Variants in LAP3 observed in about 807,000 individuals in gnomAD.
The protein encoded by LAP3 is cytosol aminopeptidase.
LAP3 carries 46 observed loss-of-function variants against 58.8 expected under a neutral mutation model. The observed-to-expected ratio is 0.78, with a 90% CI of 0.62 to 1.00. The LOEUF (loss-of-function observed/expected upper bound fraction) is 1.00. LAP3 is among the 50% of genes least tolerant of loss of function. The probability of loss-of-function intolerance (pLI) is 0.00; values close to 1 mark genes in which losing one functional copy is unlikely to be tolerated. For missense variants in LAP3, 615 were observed against 659.1 expected (o/e 0.93, Z 0.73); for synonymous variants, 257 against 237.7 (o/e 1.08, Z -0.75).
At chr4:17,596,138 C>G (rs941901475) in intron 8 of LAP3, among the ~76,000 whole-genome samples, 8 of 152,030 alleles carry the variant, frequency 5.3e-5, no homozygotes, top group African/African-American at 1.7e-4. Flanking sequence ...GACATGCCCC[C>G]CTCCTTCACT....
chr4:17,584,061 A>C (rs1713437846), intron 5 of LAP3, among the ~76,000 whole-genome samples: 1 of 152,242 alleles, frequency 6.6e-6, no homozygotes, highest in Non-Finnish European at 1.5e-5. Context: ...CTTGTGGGCT[A>C]GTGGGGTCCC....
Position 17,582,210 on chromosome 4 carries a change from CT to C in LAP3, c.274-77del, listed in dbSNP as rs1157888387. ...GTAATTGTGTGGGAGCTCAGTGAGTCTCCACATGTAGAATTCCTTGCTGGAA... is the reference window on the plus strand; with the variant it reads ...GTAATTGTGTGGGAGCTCAGTGAGTCCCACATGTAGAATTCCTTGCTGGAA... On this transcript the variant is annotated intron_variant, in intron 3 of 12. Transcript: ENST00000226299. 1.3e-5 allele frequency: 15 copies of C among 1,143,234 alleles called. No individual in the cohort carries two copies. In the African/African-American group the frequency reaches 1.7e-4, roughly 13 times the overall value. The allele number at this position is 1,143,234 out of a possible 1,614,324, so 70.8% of individuals were successfully genotyped here.
At position 17,588,980 on chromosome 4, in the gene LAP3, A is replaced by AT. The variant is rs924916290; in HGVS notation, c.863+9dup. ...GGGAAAGGAATTACCTTTGACAGGT[A>AT]TTTTTTATGGTGTCCGTGCTTTGTA... On this transcript the variant is annotated splice_donor_region_variant and intron_variant, in intron 7 of 12. Coordinates refer to ENST00000226299, the MANE Select transcript of LAP3 (RefSeq NM_015907.3). The AT allele has an allele frequency of 1.2e-6, 2 of 1,612,604 alleles. No homozygotes were observed. The highest frequency in any genetic ancestry group is 1.3e-5 in the African/African-American group (1 of 74,692).
At position 17,577,432 on chromosome 4, in the gene LAP3, G is replaced by A; in HGVS notation, c.-34G>A. 1.3e-6 allele frequency: 2 copies of A among 1,488,128 alleles called. No homozygotes were observed. Among genetic ancestry groups the A allele is most frequent in the Non-Finnish European group, 1.8e-6 (2 of 1,107,460 alleles). The allele number at this position is 1,488,128 out of a possible 1,614,324, so 92.2% of individuals were successfully genotyped here. ...CCCGCCCACCGCTCTCCACGTGCTC[G>A]CTGGAGGGCGGTGCGAGGGGCCGAG... is the stretch of plus-strand genomic sequence containing the variant. On this transcript the variant is annotated 5_prime_UTR_variant, in exon 1 of 13. Coordinates refer to ENST00000226299, the MANE Select transcript of LAP3 (RefSeq NM_015907.3).
intron 12 of LAP3, 93 bp from the exon 13 acceptor site, chr4:17,607,305 CTT>C: frequency 9.6e-7 from 1 of 1,038,346 alleles, no homozygotes; most frequent in Non-Finnish European, 1.4e-6. Context: ...AAGCTTGACT[CTT>C]GTTCTTTGGT....
In LAP3 at chr4:17,607,314, T is replaced by C. The variant is rs1017410840; in HGVS notation, c.1371-86T>C. 1.1e-5 allele frequency: 13 copies of C among 1,131,732 alleles called. No homozygotes were observed. The Admixed American group carries it at 3.1e-4, about 27-fold the overall frequency. The allele number at this position is 1,131,732 out of a possible 1,614,324, so 70.1% of individuals were successfully genotyped here. ...TCTTACAAGCTTGACTCTTGTTCTT[T>C]GGTTATAGAATGTACTTAGCAAAAA... On this transcript the variant is annotated intron_variant, in intron 12 of 12. Transcript: ENST00000226299.
At chr4:17,594,510 G>A (rs543198551) in intron 7 of LAP3, among the ~76,000 whole-genome samples, 1 of 152,328 alleles carries the variant, frequency 6.6e-6, no homozygotes, top group Non-Finnish European at 1.5e-5. Context: ...AGAACTTAGA[G>A]TCGAAGCCCC....
intron 8 of LAP3, among the ~76,000 whole-genome samples, chr4:17,596,440 A>G (rs1052053561): frequency 1.5e-4 from 23 of 152,160 alleles, no homozygotes; most frequent in African/African-American, 5.1e-4. Flanking sequence ...CCCGGGTTCA[A>G]GTGATTCTTC....
At chr4:17,578,938 G>A (rs1395328622) in intron 1 of LAP3, among the ~76,000 whole-genome samples, 1 of 152,186 alleles carries the variant, frequency 6.6e-6, no homozygotes, top group Admixed American at 6.5e-5. Flanking sequence ...TTGCACTTGA[G>A]GATTGTAGGG....
intron 4 of LAP3, among the ~76,000 whole-genome samples, chr4:17,583,280 A>G (rs1018935955): frequency 5.3e-5 from 8 of 152,200 alleles, no homozygotes; most frequent in African/African-American, 1.9e-4. Flanking sequence ...CCTCACCACC[A>G]CCTGGGAGTG....
chr4:17,597,478 A>T (rs1159146346), intron 9 of LAP3, among the ~76,000 whole-genome samples: 1 of 152,110 alleles, frequency 6.6e-6, no homozygotes, highest in African/African-American at 2.4e-5. Flanking sequence ...CATGTTTCCC[A>T]GGCTGGTCCC....
In LAP3 at chr4:17,577,249, C is replaced by CACGAATGCGGGCGCACA. The variant is rs1553880637; in HGVS notation, c.-217_-216insACGAATGCGGGCGCACA. On this transcript the variant is annotated 5_prime_UTR_variant, in exon 1 of 13. It adds an upstream start codon to the 5' untranslated region. Coordinates refer to ENST00000226299, the MANE Select transcript of LAP3 (RefSeq NM_015907.3). ...GCGGGCGCACACGAATGCGGGCGCACCCTTGAGTCCCCTCCACAACCGCGG... is the reference window on the plus strand; with the variant it reads ...GCGGGCGCACACGAATGCGGGCGCACACGAATGCGGGCGCACACCTTGAGTCCCCTCCACAACCGCGG... 2.7e-4 allele frequency: 104 copies of CACGAATGCGGGCGCACA among 391,936 alleles called. No homozygotes were observed. Among genetic ancestry groups the CACGAATGCGGGCGCACA allele is most frequent in the Non-Finnish European group, 3.4e-4 (75 of 221,558 alleles). 24.3% of individuals were successfully genotyped at this position (391,936 alleles called of 1,614,324 possible).
intron 6 of LAP3, among the ~76,000 whole-genome samples, chr4:17,588,557 T>G (rs1301133533): frequency 6.6e-6 from 1 of 152,234 alleles, no homozygotes; most frequent in South Asian, 2.1e-4. Context: ...GTACCACACA[T>G]GACTTCTCTT....
In LAP3 at chr4:17,607,521, G is replaced by C. The variant is rs200839726; in HGVS notation, c.1492G>C (p.Gly498Arg). ...NKDEVPYLRKGMTGRPTRTLI... is the reference protein window; with the variant it reads ...NKDEVPYLRKRMTGRPTRTLI... ...AGATGAAGTTCCCTATCTACGGAAA[G>C]GCATGACTGGGAGGCCCACAAGGAC... is the stretch of plus-strand genomic sequence containing the variant. Residue 498 changes from glycine to arginine, a missense_variant, in exon 13 of 13, where the codon GGC becomes CGC. By Grantham distance (125) the Gly-to-Arg change is moderately radical. Transcript: ENST00000226299. 1.2e-6 allele frequency: 2 copies of C among 1,614,080 alleles called. No homozygotes were observed. Among genetic ancestry groups the C allele is most frequent in the Admixed American group, 3.3e-5 (2 of 59,962 alleles).
At chr4:17,579,789 A>G in intron 1 of LAP3, 35 bp from the exon 2 acceptor site, 237 of 1,041,096 alleles carry the variant, frequency 2.3e-4, no homozygotes, top group Middle Eastern at 4.2e-4. Flanking sequence ...ATCTACTCTA[A>G]TTCTATTATA....
chr4:17,588,761 T>C (rs1000177339), intron 6 of LAP3, 58 bp from the exon 7 acceptor site: 1 of 1,495,960 alleles, frequency 6.7e-7, no homozygotes, highest in Non-Finnish European at 9.1e-7. Flanking sequence ...GAGCTTTTTC[T>C]GTTATTTTGA....
At chr4:17,593,501 A>G (rs1012972786) in intron 7 of LAP3, among the ~76,000 whole-genome samples, 2 of 128,134 alleles carry the variant, frequency 1.6e-5, no homozygotes, top group African/African-American at 5.0e-5. Flanking sequence ...TGCAGCTTTG[A>G]GTAGGCTTGA....
intron 6 of LAP3, chr4:17,586,291 AC>A (rs1322811981): frequency 6.6e-6 from 1 of 152,048 alleles, no homozygotes; most frequent in African/African-American, 2.4e-5. Context: ...TCCCAAGGGT[AC>A]TTCCATTTAA....
At chr4:17,601,314 A>C (rs1713975393) in intron 10 of LAP3, among the ~76,000 whole-genome samples, 1 of 152,178 alleles carries the variant, frequency 6.6e-6, no homozygotes, top group Non-Finnish European at 1.5e-5. Flanking sequence ...ATAGAGAATA[A>C]ACTATTTAGC....
Sources: allele counts gnomAD v4.1 joint callset (sites outside exome capture counted in the v4.1 genomes callset), GRCh38; gene constraint gnomAD v4.1.1; transcripts MANE v1.5; gene names NCBI Gene and HGNC (gene_info 2026-07-23, HGNC 2026-07-21).